Variants in PUSL1 observed in about 807,000 individuals in gnomAD.
PUSL1 encodes the protein tRNA pseudouridine synthase-like 1.
A neutral mutation model predicts 30.7 loss-of-function variants in PUSL1; 51 were observed. That is an observed-to-expected ratio of 1.66 (90% CI 1.33 to 2.10). The LOEUF (loss-of-function observed/expected upper bound fraction) is 2.10, where lower values mean the gene tolerates loss of function less well. Among genes scored for constraint, PUSL1 ranks in the 30% most tolerant of loss-of-function variants. PUSL1 has a pLI of 0.00. For missense variants in PUSL1, 609 were observed against 427.6 expected (o/e 1.42, Z -3.74); for synonymous variants, 290 against 192.1 (o/e 1.51, Z -4.21).
In PUSL1 at chr1:1,311,488, CAGT is replaced by C. The variant is rs1557625722; in HGVS notation, c.*112_*114del. 1.7e-6 allele frequency: 2 copies of C among 1,167,270 alleles called. No individual in the cohort carries two copies. The highest frequency in any genetic ancestry group is 2.0e-5 in the Admixed American group (1 of 50,716). 72.3% of individuals were successfully genotyped at this position (1,167,270 alleles called of 1,614,324 possible). A position where few individuals can be genotyped will look rare whatever the true frequency, so the allele number is the denominator to read the frequency against. On this transcript the variant is annotated 3_prime_UTR_variant, in exon 8 of 8. Coordinates refer to ENST00000379031, the MANE Select transcript of PUSL1 (RefSeq NM_153339.3). ...CCACAGCACTGCTGCCTGGTCTCCA[CAGT>C]AGCCTCCCTGCCCGGGTCCCAGCAC...
Position 1,309,613 on chromosome 1 carries a change from G to T in PUSL1, c.473+10G>T. ...GGACTCTCCCGGCAGAGTGAGTGTG[G>T]CCCTGACAGCGGGGAGGGGGCGGGC... On this transcript the variant is annotated intron_variant, in intron 4 of 7. Transcript: ENST00000379031. The T allele has an allele frequency of 1.2e-6, 2 of 1,601,392 alleles. No individual in the cohort carries two copies. Among genetic ancestry groups the T allele is most frequent in the Non-Finnish European group, 1.7e-6 (2 of 1,171,080 alleles).
rs1642148032 is a variant in PUSL1 at position 1,311,455 on chromosome 1, C to T, written c.*76C>T. On this transcript the variant is annotated 3_prime_UTR_variant, in exon 8 of 8. Coordinates refer to ENST00000379031, the MANE Select transcript of PUSL1 (RefSeq NM_153339.3). ...GGTCAAGCCAGGGCAGTCACAGCTGCTTGGGGCCCACAGCACTGCTGCCTG... is the reference window on the plus strand; with the variant it reads ...GGTCAAGCCAGGGCAGTCACAGCTGTTTGGGGCCCACAGCACTGCTGCCTG... 3.5e-6 allele frequency: 5 copies of T among 1,448,594 alleles called. No individual in the cohort carries two copies. Among genetic ancestry groups the T allele is most frequent in the Non-Finnish European group, 4.7e-6 (5 of 1,055,274 alleles). The allele number at this position is 1,448,594 out of a possible 1,614,324, so 89.7% of individuals were successfully genotyped here.
In PUSL1 at chr1:1,311,672, C is replaced by A; in HGVS notation, c.*293C>A. On this transcript the variant is annotated 3_prime_UTR_variant, in exon 8 of 8. Transcript: ENST00000379031. ...CTAACCAGGAATAAAGGCAAGACAGCCTGGAGACCAGTTTGTTTCTTCAGC... is the reference window on the plus strand; with the variant it reads ...CTAACCAGGAATAAAGGCAAGACAGACTGGAGACCAGTTTGTTTCTTCAGC... 1 of 719,134 alleles carries A rather than the reference C, an allele frequency of 1.4e-6. No homozygotes were observed. Among genetic ancestry groups the A allele is most frequent in the Non-Finnish European group, 2.4e-6 (1 of 409,522 alleles). 44.5% of individuals were successfully genotyped at this position (719,134 alleles called of 1,614,324 possible).
chr1:1,311,449 C>T lies in PUSL1; in HGVS notation c.*70C>T, dbSNP rs1642147289. 2 of 1,495,932 alleles carry T rather than the reference C, an allele frequency of 1.3e-6. No individual in the cohort carries two copies. The highest frequency in any genetic ancestry group is 9.1e-7 in the Non-Finnish European group (1 of 1,096,530). The allele number at this position is 1,495,932 out of a possible 1,614,324, so 92.7% of individuals were successfully genotyped here. A position where few individuals can be genotyped will look rare whatever the true frequency, so the allele number is the denominator to read the frequency against. On this transcript the variant is annotated 3_prime_UTR_variant, in exon 8 of 8. Transcript: ENST00000379031. ...TGTGCTGGTCAAGCCAGGGCAGTCA[C>T]AGCTGCTTGGGGCCCACAGCACTGC...
chr1:1,309,340 T>G, intron 3 of PUSL1, 67 bp downstream of exon 3: 1 of 1,449,900 alleles, frequency 6.9e-7, no homozygotes. Flanking sequence ...GGGCGGAGGC[T>G]GGAGATCTGG....
At chr1:1,310,250 AG>A (rs1467163022) in intron 5 of PUSL1, 2 of 335,764 alleles carry the variant, frequency 6.0e-6, no homozygotes, top group African/African-American at 4.2e-5. Context: ...GAAGGGGGGA[AG>A]AACTTCTGCC....
In PUSL1 at chr1:1,308,911, G is replaced by A; in HGVS notation, c.78-4G>A. On this transcript the variant is annotated splice_region_variant and splice_polypyrimidine_tract_variant and intron_variant, in intron 1 of 7. Coordinates refer to ENST00000379031, the MANE Select transcript of PUSL1 (RefSeq NM_153339.3). ...CGGTAACCTCCGCCCGCTTCTGCCC[G>A]CAGCGGGGTCGCGGCCGTCAGGGGC... 1 of 1,413,810 alleles carries A rather than the reference G, an allele frequency of 7.1e-7. No individual in the cohort carries two copies. The highest frequency in any genetic ancestry group is 1.6e-5 in the South Asian group (1 of 63,562). The allele number at this position is 1,413,810 out of a possible 1,614,324, so 87.6% of individuals were successfully genotyped here. A position where few individuals can be genotyped will look rare whatever the true frequency, so the allele number is the denominator to read the frequency against.
At chr1:1,309,946 G>A (rs1457185593) in intron 5 of PUSL1, 95 bp downstream of exon 5, 3 of 1,054,582 alleles carry the variant, frequency 2.8e-6, no homozygotes, top group East Asian at 2.7e-5. Flanking sequence ...GGTGAGGCGG[G>A]AGGCAGGCAG....
rs2100549466 is a variant in PUSL1 at position 1,311,610 on chromosome 1, A to C, written c.*231A>C. 1 of 715,788 alleles carries C rather than the reference A, an allele frequency of 1.4e-6. No individual in the cohort carries two copies. Among genetic ancestry groups the C allele is most frequent in the East Asian group, 2.7e-5 (1 of 37,158 alleles). The allele number at this position is 715,788 out of a possible 1,614,324, so 44.3% of individuals were successfully genotyped here. Reference sequence around the variant, plus strand: ...GAGAGTACCAAGTAGTCTTTTGTTCAGCTTTTACTGGAAACTGCTGTCTAG... The same window carrying C: ...GAGAGTACCAAGTAGTCTTTTGTTCCGCTTTTACTGGAAACTGCTGTCTAG... On this transcript the variant is annotated 3_prime_UTR_variant, in exon 8 of 8. Transcript: ENST00000379031.
chr1:1,311,244 C>G, intron 7 of PUSL1, 86 bp from the exon 8 acceptor site: 2 of 1,428,760 alleles, frequency 1.4e-6, no homozygotes, highest in Non-Finnish European at 1.9e-6. Flanking sequence ...CTGGCCCACT[C>G]CCTGGTCATG....
chr1:1,311,124 G>C, intron 7 of PUSL1, 53 bp downstream of exon 7: 1 of 1,555,266 alleles, frequency 6.4e-7, no homozygotes, highest in Non-Finnish European at 8.7e-7. Flanking sequence ...GACTACTGTG[G>C]CCGAGGCATG....
intron 5 of PUSL1, 127 bp downstream of exon 5, chr1:1,309,978 A>T: frequency 2.7e-6 from 2 of 737,432 alleles, no homozygotes; most frequent in Non-Finnish European, 4.3e-6. Context: ...CAGGACCTGG[A>T]CAGCTGGAGG....
In PUSL1 at chr1:1,309,040, G is replaced by A. The variant is rs1027521673; in HGVS notation, c.136-46G>A. The A allele has an allele frequency of 5.0e-6, 7 of 1,393,874 alleles. No individual in the cohort carries two copies. The Admixed American group carries it at 1.1e-4, about 22-fold the overall frequency. 86.3% of individuals were successfully genotyped at this position (1,393,874 alleles called of 1,614,324 possible). A position where few individuals can be genotyped will look rare whatever the true frequency, so the allele number is the denominator to read the frequency against. ...GGAGGCTCCCGCCCGCGCGTCCCCG[G>A]GGTCCGGCCTCGCTCACCCGCCCGC... On this transcript the variant is annotated intron_variant, in intron 2 of 7. Transcript: ENST00000379031.
intron 5 of PUSL1, 152 bp downstream of exon 5, chr1:1,310,003 G>A (rs558066967): frequency 2.6e-5 from 15 of 587,542 alleles, no homozygotes; most frequent in Non-Finnish European, 3.5e-5. Flanking sequence ...TCGCCCGGAC[G>A]CCCCCCAGCC....
intron 7 of PUSL1, 72 bp downstream of exon 7, chr1:1,311,143 G>T: frequency 6.5e-7 from 1 of 1,529,904 alleles, no homozygotes; most frequent in Non-Finnish European, 8.8e-7. Context: ...TGGGGTGGGG[G>T]GCCAGGGGCC....
In PUSL1 at chr1:1,310,666, G is replaced by C. The variant is rs372427823; in HGVS notation, c.677G>C (p.Ser226Thr). The change falls in exon 6 of 8, where the codon AGC (serine) becomes ACC (threonine). Residue 226 changes from serine to threonine, a missense_variant. Coordinates refer to ENST00000379031, the MANE Select transcript of PUSL1 (RefSeq NM_153339.3). ...CGGTTCTGGAACCTGGAGTTTGAGA[G>C]CCAGTCTTTCCTGTATAGACAGGTA... ...KLRFWNLEFE[S>T]QSFLYRQVRR... is the part of the protein sequence containing the mutation. 1 of 1,588,014 alleles carries C rather than the reference G, an allele frequency of 6.3e-7. No individual in the cohort carries two copies. Among genetic ancestry groups the C allele is most frequent in the South Asian group, 1.1e-5 (1 of 89,998 alleles).
At position 1,308,884 on chromosome 1, in the gene PUSL1, C is replaced by T. The variant is rs768361620; in HGVS notation, c.78-31C>T. On this transcript the variant is annotated intron_variant, in intron 1 of 7. Transcript: ENST00000379031. ...GGCGGAGACCCCAGGGCAGGGCGCC[C>T]CCGGTAACCTCCGCCCGCTTCTGCC... 60 of 1,414,034 alleles carry T rather than the reference C, an allele frequency of 4.2e-5. No homozygotes were observed. In the Admixed American group the frequency reaches 1.8e-3, roughly 43 times the overall value. 87.6% of individuals were successfully genotyped at this position (1,414,034 alleles called of 1,614,324 possible). A position where few individuals can be genotyped will look rare whatever the true frequency, so the allele number is the denominator to read the frequency against.
In PUSL1 at chr1:1,308,730, C is replaced by A; in HGVS notation, c.77+10C>A. 6.5e-7 allele frequency: 1 copy of A among 1,541,252 alleles called. No individual in the cohort carries two copies. Among genetic ancestry groups the A allele is most frequent in the Non-Finnish European group, 8.7e-7 (1 of 1,145,598 alleles). Reference sequence around the variant, plus strand: ...TGGGCACCGACTTTAAGTAGGTTTCCCAGGCGCAGCGGCGGGCGCCACGTG... The same window carrying A: ...TGGGCACCGACTTTAAGTAGGTTTCACAGGCGCAGCGGCGGGCGCCACGTG... On this transcript the variant is annotated intron_variant, in intron 1 of 7. Transcript: ENST00000379031.
Position 1,309,735 on chromosome 1 carries a change from C to A in PUSL1, c.528C>A (p.His176Gln), listed in dbSNP as rs369580147. ...CCGCCCAGCACCTCCTCGGCACACA[C>A]GACTTCAGCGCCTTCCAGTCCGCTG... ...QEAAQHLLGTHDFSAFQSAGS... is the reference protein window; with the variant it reads ...QEAAQHLLGTQDFSAFQSAGS... Residue 176 changes from histidine (H) to glutamine (Q), a missense_variant, in exon 5 of 8, where the codon CAC becomes CAA. Physicochemically the swap from His to Gln is conservative, Grantham distance 24 (BLOSUM62 0). Transcript: ENST00000379031. 2.5e-6 allele frequency: 4 copies of A among 1,598,830 alleles called. No homozygotes were observed. In the African/African-American group the frequency reaches 4.0e-5, roughly 16 times the overall value.
Sources: gnomAD v4.1 joint callset for allele counts on GRCh38, gnomAD v4.1.1 for gene constraint, MANE v1.5 for transcripts, NCBI Gene and HGNC (gene_info 2026-07-23, HGNC 2026-07-21) for gene names.